The following CEP164 variants were observed in gnomAD, a reference collection of about 807,000 sequenced individuals.
CEP164 encodes the protein centrosomal protein of 164 kDa.
CEP164 carries 162 observed loss-of-function variants against 182.7 expected under a neutral mutation model. The ratio of observed to expected loss-of-function variants is 0.89; its 90% CI spans 0.78 to 1.01. The LOEUF (loss-of-function observed/expected upper bound fraction) is 1.01, where lower values mean the gene tolerates loss of function less well. Among genes scored for constraint, CEP164 ranks in the 50% least tolerant of loss-of-function variants. The pLI, the probability that CEP164 is intolerant of heterozygous loss-of-function variation, is 0.00. For missense variants in CEP164, 1,735 were observed against 1,790.4 expected (o/e 0.97, Z 0.56); for synonymous variants, 661 against 690.0 (o/e 0.96, Z 0.66).
At chr11:117,396,894 G>C (rs774161152) in intron 26 of CEP164, among the ~76,000 whole-genome samples, 197 bp from the exon 27 acceptor site, 1 of 152,246 alleles carries the variant, frequency 6.6e-6, no homozygotes, top group African/African-American at 2.4e-5. Context: ...CTCAGAGTCA[G>C]GGTGGGGGCA....
intron 15 of CEP164, among the ~76,000 whole-genome samples, chr11:117,388,698 A>T (rs1281876104): frequency 1.3e-5 from 2 of 152,206 alleles, no homozygotes; most frequent in Non-Finnish European, 2.9e-5. Flanking sequence ...TGTAAAATTT[A>T]GCCATAGGAC....
intron 11 of CEP164, among the ~76,000 whole-genome samples, chr11:117,378,233 A>G (rs778377915): frequency 1.1e-4 from 16 of 152,200 alleles, no homozygotes; most frequent in Non-Finnish European, 1.9e-4. Context: ...AATACAGAAG[A>G]TCCAAGTTCT....
At position 117,363,410 on chromosome 11, in the gene CEP164, T is replaced by C. The variant is rs1377341976; in HGVS notation, c.688-19T>C. ...CCAGTTTCTTCAGAGTTACCACTTG[T>C]CATCATTTTTGTTTCTAGAGTGTCC... On this transcript the variant is annotated intron_variant, in intron 7 of 32. Coordinates refer to ENST00000278935, the MANE Select transcript of CEP164 (RefSeq NM_014956.5). 2 of 1,596,324 alleles carry C rather than the reference T, an allele frequency of 1.3e-6. No homozygotes were observed. Among genetic ancestry groups the C allele is most frequent in the Non-Finnish European group, 1.7e-6 (2 of 1,163,892 alleles).
Position 117,411,754 on chromosome 11 carries a change from C to T in CEP164, c.4164-41C>T. 1 of 1,612,502 alleles carries T rather than the reference C, an allele frequency of 6.2e-7. No homozygotes were observed. Among genetic ancestry groups the T allele is most frequent in the Non-Finnish European group, 8.5e-7 (1 of 1,179,208 alleles). On this transcript the variant is annotated intron_variant, in intron 31 of 32. Transcript: ENST00000278935. This position sits in a 1 kb window ranked among gnomAD's most constrained non-coding sequence, Gnocchi z 4.4. ...CTGTGCATCCTCTGTCACTTCCGCG[C>T]CTCCTCTCTCCCCTCGCCATGCTCT...
At chr11:117,343,177 A>G (rs10892095) in intron 3 of CEP164, among the ~76,000 whole-genome samples, 23,933 of 152,220 alleles carry the variant, frequency 0.16, 1,980 homozygotes, top group Middle Eastern at 0.17. Flanking sequence ...AGCCACAACA[A>G]AAGTATTAGG....
At chr11:117,402,012 T>C (rs1364605570) in intron 27 of CEP164, among the ~76,000 whole-genome samples, 1 of 152,194 alleles carries the variant, frequency 6.6e-6, no homozygotes, top group Non-Finnish European at 1.5e-5. Flanking sequence ...TGTCTTCTGC[T>C]AACTTTTGAA....
intron 5 of CEP164, chr11:117,355,371 T>G (rs1448555731): frequency 2.9e-5 from 37 of 1,289,694 alleles, no homozygotes; most frequent in Non-Finnish European, 3.4e-5. Context: ...AACACTGGGC[T>G]TCTCCAAAAT....
At chr11:117,371,570 GCTTCATTTGCGTGT>G in intron 9 of CEP164, 104 bp downstream of exon 9, 1 of 1,399,152 alleles carries the variant, frequency 7.1e-7, no homozygotes, top group Non-Finnish European at 9.5e-7. Context: ...TGAGTCAGGA[GCTTCATTTGCGTGT>G]CCCTGCACTG....
intron 5 of CEP164, chr11:117,359,708 T>C: frequency 3.6e-6 from 2 of 560,272 alleles, no homozygotes; most frequent in Non-Finnish European, 4.5e-6. Flanking sequence ...GGGGTCTTTG[T>C]AAATTGTCAC....
intron 5 of CEP164, among the ~76,000 whole-genome samples, chr11:117,359,947 C>T (rs1247914618): frequency 2.6e-5 from 4 of 152,134 alleles, no homozygotes; most frequent in Non-Finnish European, 5.9e-5. Flanking sequence ...GGAGGTCTCA[C>T]GAATTCTGAC....
rs1442597701 is a variant in CEP164, at chr11:117,394,818, G to A, written c.2761-102G>A. 1.7e-6 allele frequency: 2 copies of A among 1,171,280 alleles called. No homozygotes were observed. Among genetic ancestry groups the A allele is most frequent in the Non-Finnish European group, 2.5e-6 (2 of 795,254 alleles). The allele number at this position is 1,171,280 out of a possible 1,614,324, so 72.6% of individuals were successfully genotyped here. On this transcript the variant is annotated intron_variant, in intron 21 of 32. Coordinates refer to ENST00000278935, the MANE Select transcript of CEP164 (RefSeq NM_014956.5). This position sits in a 1 kb window ranked among gnomAD's most constrained non-coding sequence, Gnocchi z 4.0. ...CACAGCGAGGAAGCCTGAGCCCAGA[G>A]TGGAGGTTGTGGTGTGGCATGGTGG... is the stretch of plus-strand genomic sequence containing the variant.
In CEP164 at chr11:117,394,983, T is replaced by C; in HGVS notation, c.2824T>C (p.Leu942=). 3 of 1,614,160 alleles carry C rather than the reference T, an allele frequency of 1.9e-6. No homozygotes were observed. Among genetic ancestry groups the C allele is most frequent in the African/African-American group, 1.3e-5 (1 of 75,042 alleles). ...CAGAGCTAAAGATGTCAAGGCCAGA[T>C]TGGCTCTGCTGGAGGTCCAGGTGAG... ...ETRAKDVKAR[L]ALLEVQEETA... The change falls in exon 22 of 33, where the codon TTG becomes CTG. Residue 942 remains leucine, a synonymous_variant. Coordinates refer to ENST00000278935, the MANE Select transcript of CEP164 (RefSeq NM_014956.5). The surrounding 1 kb of genome is among the most constrained non-coding windows in gnomAD (Gnocchi z 4.0).
Position 117,365,607 on chromosome 11 carries a change from C to A in CEP164, c.765+2101C>A, listed in dbSNP as rs539092886. Among the ~76,000 whole-genome samples the A allele has an allele frequency of 9.9e-5, 15 of 151,980 alleles. 1 individual carries two copies. The highest frequency in any genetic ancestry group is 6.8e-3 in the Middle Eastern group (2 of 294). On this transcript the variant is annotated intron_variant, in intron 8 of 32. Coordinates refer to ENST00000278935, the MANE Select transcript of CEP164 (RefSeq NM_014956.5). ...TCTTTCTTTTTTTTAGATGAAGTCT[C>A]TCACTCTTGTCCCCCAGGCTGTAGT...
chr11:117,376,608 C>A (rs909997218), intron 11 of CEP164, among the ~76,000 whole-genome samples: 2 of 148,074 alleles, frequency 1.4e-5, no homozygotes, highest in Non-Finnish European at 2.9e-5. Flanking sequence ...GCCTTGGAGC[C>A]TTTAGTGAAA....
intron 4 of CEP164, among the ~76,000 whole-genome samples, chr11:117,348,056 A>C (rs1254272052): frequency 6.6e-6 from 1 of 151,436 alleles, no homozygotes; most frequent in African/African-American, 2.4e-5. Context: ...GGCACCCTCT[A>C]CCTCCCGGGT....
Position 117,394,285 on chromosome 11 carries a change from G to A in CEP164, c.2617-65G>A. On this transcript the variant is annotated intron_variant, in intron 20 of 32. Coordinates refer to ENST00000278935, the MANE Select transcript of CEP164 (RefSeq NM_014956.5). The surrounding 1 kb of genome is among the most constrained non-coding windows in gnomAD (Gnocchi z 4.0). Reference sequence around the variant, plus strand: ...GATGCAAGGCTGCAGGGCTAGGGGAGCTGTGATTTTTGTGGTAGAAGGGGC... The same window carrying A: ...GATGCAAGGCTGCAGGGCTAGGGGAACTGTGATTTTTGTGGTAGAAGGGGC... 6.5e-7 allele frequency: 1 copy of A among 1,548,460 alleles called. No individual in the cohort carries two copies. The highest frequency in any genetic ancestry group is 8.7e-7 in the Non-Finnish European group (1 of 1,144,522).
At chr11:117,348,008 C>T (rs930138223) in intron 4 of CEP164, among the ~76,000 whole-genome samples, 5 of 151,964 alleles carry the variant, frequency 3.3e-5, no homozygotes, top group Admixed American at 2.6e-4. Context: ...CTTGCTCTGT[C>T]GCCCAGGCTG....
At chr11:117,396,225 G>A (rs767295483) in intron 25 of CEP164, 45 bp downstream of exon 25, 51 of 1,591,632 alleles carry the variant, frequency 3.2e-5, no homozygotes, top group Non-Finnish European at 4.0e-5. Flanking sequence ...CCAGGATGGT[G>A]TGGGGCATTG....
intron 27 of CEP164, among the ~76,000 whole-genome samples, chr11:117,403,152 C>G (rs759944022): frequency 6.6e-6 from 1 of 152,160 alleles, no homozygotes; most frequent in East Asian, 1.9e-4. Flanking sequence ...TTAATTGGGG[C>G]GTTTAGCCTG....
Sources: allele counts gnomAD v4.1 joint callset (sites outside exome capture counted in the v4.1 genomes callset), GRCh38; gene constraint gnomAD v4.1.1; non-coding constraint Gnocchi (gnomAD v3.1); transcripts MANE v1.5; gene names NCBI Gene and HGNC (gene_info 2026-07-23, HGNC 2026-07-21).